FARS2: variants seen among roughly 807,000 people sequenced by gnomAD.
FARS2 encodes the protein phenylalanine--tRNA ligase, mitochondrial.
Under a neutral mutation model 46.4 loss-of-function variants are expected in FARS2, and 40 were observed. That is an observed-to-expected ratio of 0.86 (90% CI 0.67 to 1.12). FARS2 has a LOEUF of 1.12. Ranked by LOEUF, FARS2 falls within the 50% of genes most tolerant of loss-of-function variation. The pLI is 0.00. For synonymous variants in FARS2, 234 were observed against 214.9 expected, an observed-to-expected ratio of 1.09 and a Z score of -0.78; for missense variants, 513 against 567.9, an observed-to-expected ratio of 0.90 and a Z score of 0.98.
At chr6:5,663,361 A>T (rs998914334) in intron 6 of FARS2, among the ~76,000 whole-genome samples, 6 of 152,198 alleles carry the variant, frequency 3.9e-5, no homozygotes, top group African/African-American at 7.2e-5. Flanking sequence ...CTTTCAAAAA[A>T]ATTCTTCCCA....
intron 6 of FARS2, among the ~76,000 whole-genome samples, chr6:5,631,324 T>C (rs546532245): frequency 6.9e-4 from 105 of 152,312 alleles, no homozygotes; most frequent in African/African-American, 2.3e-3. Flanking sequence ...ATGTCTGATA[T>C]AGGAATAAAT....
At chr6:5,544,185 C>T (rs985918190) in intron 4 of FARS2, among the ~76,000 whole-genome samples, 1 of 152,130 alleles carries the variant, frequency 6.6e-6, no homozygotes. Flanking sequence ...CTCAAGGGCC[C>T]GAGCCATGTG....
At chr6:5,265,107 C>G (rs1215718300) in intron 1 of FARS2, among the ~76,000 whole-genome samples, 1 of 151,322 alleles carries the variant, frequency 6.6e-6, no homozygotes, top group African/African-American at 2.4e-5. Flanking sequence ...CCAATAATTT[C>G]TTTTTGACAG....
chr6:5,746,355 C>G (rs1315061125), intron 6 of FARS2, among the ~76,000 whole-genome samples: 1 of 152,146 alleles, frequency 6.6e-6, no homozygotes, highest in African/African-American at 2.4e-5. Flanking sequence ...CGGATGGTAT[C>G]TGCTTTATGT....
intron 4 of FARS2, among the ~76,000 whole-genome samples, chr6:5,453,381 C>T (rs1418443065): frequency 6.6e-6 from 1 of 152,122 alleles, no homozygotes; most frequent in Non-Finnish European, 1.5e-5. Context: ...AGGAGGGAAA[C>T]ATAATTAATT....
At chr6:5,382,984 A>C (rs1759884867) in intron 2 of FARS2, among the ~76,000 whole-genome samples, 1 of 152,190 alleles carries the variant, frequency 6.6e-6, no homozygotes, top group African/African-American at 2.4e-5. Context: ...GGCCCACCAC[A>C]CTGGGGATGG....
chr6:5,669,093 T>A (rs1374051639), intron 6 of FARS2, among the ~76,000 whole-genome samples: 3 of 152,200 alleles, frequency 2.0e-5, no homozygotes, highest in Non-Finnish European at 4.4e-5. Context: ...TATATTTTAA[T>A]AATCAATATA....
chr6:5,520,682 A>G (rs143000471), intron 4 of FARS2, among the ~76,000 whole-genome samples: 39 of 152,320 alleles, frequency 2.6e-4, no homozygotes, highest in African/African-American at 8.4e-4. Context: ...ACATTTGCCA[A>G]TCTGATGAGT....
chr6:5,701,858 G>A (rs1318210975), intron 6 of FARS2, among the ~76,000 whole-genome samples: 1 of 152,168 alleles, frequency 6.6e-6, no homozygotes, highest in African/African-American at 2.4e-5. Flanking sequence ...GTGGCATGTG[G>A]TTGAGTCGTG....
chr6:5,768,309 T>C (rs1340603227), intron 6 of FARS2, among the ~76,000 whole-genome samples: 1 of 152,236 alleles, frequency 6.6e-6, no homozygotes. Context: ...TCATAATCCA[T>C]GTATTTATGA....
chr6:5,525,068 T>G (rs770147502), intron 4 of FARS2, among the ~76,000 whole-genome samples: 5 of 151,760 alleles, frequency 3.3e-5, no homozygotes, highest in African/African-American at 7.3e-5. Context: ...TGCAAAAGGG[T>G]GGTGTTCCTT....
At position 5,502,856 on chromosome 6, in the gene FARS2, A is replaced by G. The variant is rs191205138; in HGVS notation, c.905-42324A>G. Among the ~76,000 whole-genome samples the G allele has an allele frequency of 4.2e-3, 636 of 152,320 alleles. 3 individuals carry two copies. Among genetic ancestry groups the G allele is most frequent in the African/African-American group, 0.015 (603 of 41,572 alleles). On this transcript the variant is annotated intron_variant, in intron 4 of 6. Transcript: ENST00000274680. ...ATCCTGCCAATTTTATATCACAGCC[A>G]TCTCATCAGATACTTCAAATAGAAA...
chr6:5,402,235 T>C (rs1275957232), intron 2 of FARS2, among the ~76,000 whole-genome samples: 1 of 149,978 alleles, frequency 6.7e-6, no homozygotes, highest in Non-Finnish European at 1.5e-5. Flanking sequence ...TTTTTTTTTC[T>C]GAGTTAAATC....
rs746480149 is a variant in FARS2 at position 5,404,702 on chromosome 6, G to A, written c.772+1G>A. 2 of 1,582,998 alleles carry A rather than the reference G, an allele frequency of 1.3e-6. No homozygotes were observed. The highest frequency in any genetic ancestry group is 1.2e-5 in the South Asian group (1 of 84,460). ...CTCATGGCACATCTTTTTGGAGATGGTAAGTGCTCAAACACAGGTTGACGA... is the reference window on the plus strand; with the variant it reads ...CTCATGGCACATCTTTTTGGAGATGATAAGTGCTCAAACACAGGTTGACGA... On this transcript the variant is annotated splice_donor_variant, in intron 3 of 6. Transcript: ENST00000274680. LOFTEE classifies it high-confidence loss of function.
chr6:5,269,515 A>G (rs1765799135), intron 1 of FARS2, among the ~76,000 whole-genome samples: 1 of 151,654 alleles, frequency 6.6e-6, no homozygotes, highest in African/African-American at 2.4e-5. Context: ...GAGTCCTTTC[A>G]TTGCTGTTTA....
At chr6:5,377,571 T>C (rs77813077) in intron 2 of FARS2, among the ~76,000 whole-genome samples, 5,294 of 152,264 alleles carry the variant, frequency 0.035, 280 homozygotes, top group African/African-American at 0.12. Flanking sequence ...TCTTGTTTTC[T>C]TAAATTTTAT....
chr6:5,705,057 A>G (rs1758657915), intron 6 of FARS2, among the ~76,000 whole-genome samples: 1 of 152,208 alleles, frequency 6.6e-6, no homozygotes, highest in Non-Finnish European at 1.5e-5. Flanking sequence ...TAAGCCTATC[A>G]GGTTTTTCCA....
In FARS2 at chr6:5,395,075, G is replaced by C. The variant is rs150988020; in HGVS notation, c.613-9467G>C. 5.9e-3 allele frequency among the ~76,000 whole-genome samples: 899 copies of C among 152,192 alleles called. 11 individuals carry two copies. Among genetic ancestry groups the C allele is most frequent in the Middle Eastern group, 0.027 (8 of 294 alleles). The stretch of plus-strand genomic sequence containing the variant: ...CATTGTGCTGATTGGTTTTGAGACA[G>C]AGTCTCGCTCTGTCACCCAGGCTGG... On this transcript the variant is annotated intron_variant, in intron 2 of 6. Coordinates refer to ENST00000274680, the MANE Select transcript of FARS2 (RefSeq NM_006567.5).
rs372013559 is a variant in FARS2 at position 5,394,812 on chromosome 6, A to G, written c.613-9730A>G. 3.3e-5 allele frequency among the ~76,000 whole-genome samples: 5 copies of G among 152,072 alleles called. No individual in the cohort carries two copies. The South Asian group carries it at 8.3e-4, about 25-fold the overall frequency. On this transcript the variant is annotated intron_variant, in intron 2 of 6. Transcript: ENST00000274680. Reference sequence around the variant, plus strand: ...CATTTGGTGTCCTTAAATAACTGCAATATAAAAAGATTTTTTTTCTTGATG... The same window carrying G: ...CATTTGGTGTCCTTAAATAACTGCAGTATAAAAAGATTTTTTTTCTTGATG...
Sources: allele counts gnomAD v4.1 joint callset (sites outside exome capture counted in the v4.1 genomes callset), GRCh38; gene constraint gnomAD v4.1.1; transcripts MANE v1.5; gene names NCBI Gene and HGNC (gene_info 2026-07-23, HGNC 2026-07-21).